Variants in SPPL3 observed in about 807,000 individuals in gnomAD.
SPPL3 encodes the protein signal peptide peptidase like 3.
In SPPL3, 5 loss-of-function variants were observed where a neutral mutation model predicts 42.4. The ratio of observed to expected loss-of-function variants is 0.12; its 90% CI spans 0.06 to 0.25. The LOEUF is 0.25. Ranked by LOEUF, SPPL3 falls within the 10% of genes least tolerant of loss-of-function variation. The probability of loss-of-function intolerance (pLI) is 1.00; values close to 1 mark genes in which losing one functional copy is unlikely to be tolerated. For missense variants in SPPL3, 235 were observed against 489.0 expected, an observed-to-expected ratio of 0.48 and a Z score of 4.90; for synonymous variants, 195 against 181.8, an observed-to-expected ratio of 1.07 and a Z score of -0.58.
intron 1 of SPPL3, among the ~76,000 whole-genome samples, chr12:120,873,486 T>TCATAAC (rs1292045304): frequency 6.6e-6 from 1 of 151,756 alleles, no homozygotes; most frequent in African/African-American, 2.4e-5. Context: ...TAAAACCACA[T>TCATAAC]CAAGGCACAT....
At chr12:120,829,761 G>A (rs527740446) in intron 1 of SPPL3, among the ~76,000 whole-genome samples, 5 of 152,042 alleles carry the variant, frequency 3.3e-5, no homozygotes, top group Non-Finnish European at 7.4e-5. Context: ...TTGGGAGGCC[G>A]AGGTGGGCGG....
rs188635655 is a variant in SPPL3, at chr12:120,833,450, G to C, written c.24-22564C>G. Among the ~76,000 whole-genome samples the C allele has an allele frequency of 2.0e-5, 3 of 152,258 alleles. No homozygotes were observed. In the East Asian group the frequency reaches 5.8e-4, roughly 29 times the overall value. On this transcript the variant is annotated intron_variant, in intron 1 of 10. Coordinates refer to ENST00000353487, the MANE Select transcript of SPPL3 (RefSeq NM_139015.5). ...GAAACATTTTAACAAATAGGATGGA[G>C]AGCATTTGGGAATGACTTAGTATGA...
At chr12:120,828,621 CACTT>C in intron 1 of SPPL3, among the ~76,000 whole-genome samples, 1 of 152,286 alleles carries the variant, frequency 6.6e-6, no homozygotes, top group East Asian at 1.9e-4. Flanking sequence ...CTGATTTAAA[CACTT>C]ACTATAAAAC....
chr12:120,855,454 G>A (rs1347538772), intron 1 of SPPL3, among the ~76,000 whole-genome samples: 1 of 152,066 alleles, frequency 6.6e-6, no homozygotes, highest in Non-Finnish European at 1.5e-5. Flanking sequence ...TTGGGAGGCC[G>A]AGGCAGGCAG....
chr12:120,845,588 C>A, intron 1 of SPPL3: 1 of 473,266 alleles, frequency 2.1e-6, no homozygotes, highest in Non-Finnish European at 4.1e-6. Context: ...CCAGGCCCAC[C>A]ATGAGGATGC....
At chr12:120,876,624 A>AAAAAAAAAAAAAAAAG (rs1873100816) in intron 1 of SPPL3, among the ~76,000 whole-genome samples, 5 of 143,778 alleles carry the variant, frequency 3.5e-5, no homozygotes, top group African/African-American at 8.5e-5. Context: ...CTCAAAAAAA[A>AAAAAAAAAAAAAAAAG]AAAAAAAAAA....
chr12:120,812,642 G>T (rs1870722370), intron 1 of SPPL3, among the ~76,000 whole-genome samples: 1 of 152,188 alleles, frequency 6.6e-6, no homozygotes, highest in Admixed American at 6.5e-5. Context: ...TCAGGTAGAA[G>T]AAGGAACTGC....
At chr12:120,852,812 AATAT>A (rs1566060949) in intron 1 of SPPL3, among the ~76,000 whole-genome samples, 1 of 144,956 alleles carries the variant, frequency 6.9e-6, no homozygotes, top group African/African-American at 2.5e-5. Context: ...ACATATATGA[AATAT>A]ATATTTCATA....
intron 1 of SPPL3, among the ~76,000 whole-genome samples, chr12:120,895,791 T>C (rs1169007830): frequency 1.3e-5 from 2 of 152,208 alleles, no homozygotes; most frequent in Non-Finnish European, 2.9e-5. Context: ...ATAACTATTG[T>C]ACCAAATACA....
intron 1 of SPPL3, among the ~76,000 whole-genome samples, chr12:120,813,811 A>G (rs1375582310): frequency 6.6e-6 from 1 of 152,128 alleles, no homozygotes; most frequent in Non-Finnish European, 1.5e-5. Flanking sequence ...GGCTTTACCA[A>G]TCAGAAACTG....
chr12:120,865,565 T>C (rs764827830), intron 1 of SPPL3, among the ~76,000 whole-genome samples: 26 of 152,214 alleles, frequency 1.7e-4, no homozygotes, highest in Admixed American at 7.9e-4. Flanking sequence ...TCACAACCTG[T>C]TACCAATATT....
chr12:120,823,435 T>A (rs1354053544), intron 1 of SPPL3, among the ~76,000 whole-genome samples: 2 of 152,168 alleles, frequency 1.3e-5, no homozygotes, highest in African/African-American at 4.8e-5. Flanking sequence ...AACACTTCAG[T>A]CAATATCTTA....
chr12:120,817,282 G>A (rs116902441), intron 1 of SPPL3, among the ~76,000 whole-genome samples: 3,094 of 152,164 alleles, frequency 0.02, 59 homozygotes, highest in South Asian at 0.052. Flanking sequence ...GTGACAGAGC[G>A]AGACCCTGTC....
intron 1 of SPPL3, among the ~76,000 whole-genome samples, chr12:120,887,339 G>A (rs557322201): frequency 6.6e-6 from 1 of 152,078 alleles, no homozygotes; most frequent in East Asian, 1.9e-4. Context: ...CTTCTATTGG[G>A]CAGTGCAGCT....
intron 9 of SPPL3, 67 bp downstream of exon 9, chr12:120,767,327 G>T: frequency 6.5e-7 from 1 of 1,526,826 alleles, no homozygotes; most frequent in South Asian, 1.1e-5. Flanking sequence ...TAGAAGACCT[G>T]ATTTAATTCC....
Position 120,772,097 on chromosome 12 carries a change from C to T in SPPL3, c.503-3038G>A, listed in dbSNP as rs972772516. On this transcript the variant is annotated intron_variant, in intron 6 of 10. Coordinates refer to ENST00000353487, the MANE Select transcript of SPPL3 (RefSeq NM_139015.5). ...AGTACAATGGTGCAATCTCAGCTTA[C>T]TGCAGCTTCCACCTCCTGGGTTCAA... 2.4e-4 allele frequency among the ~76,000 whole-genome samples: 36 copies of T among 152,194 alleles called. 1 individual carries two copies. Among genetic ancestry groups the T allele is most frequent in the Non-Finnish European group, 5.9e-5 (4 of 68,036 alleles).
intron 1 of SPPL3, among the ~76,000 whole-genome samples, chr12:120,849,662 T>C (rs971102820): frequency 1.3e-5 from 2 of 152,234 alleles, no homozygotes; most frequent in African/African-American, 2.4e-5. Context: ...CTATCAGGCA[T>C]GCTAGTTAGC....
chr12:120,777,672 G>A (rs753686481), intron 6 of SPPL3, among the ~76,000 whole-genome samples: 3 of 152,190 alleles, frequency 2.0e-5, no homozygotes, highest in Middle Eastern at 3.2e-3. Context: ...AAGCACTGAA[G>A]TATCGTAACA....
chr12:120,817,872 A>G (rs1870932886), intron 1 of SPPL3, among the ~76,000 whole-genome samples: 1 of 152,208 alleles, frequency 6.6e-6, no homozygotes, highest in Admixed American at 6.5e-5. Context: ...AAAGAAAGCA[A>G]GCGTTCATCA....
Sources: gnomAD v4.1 joint callset for allele counts (sites outside exome capture counted in the v4.1 genomes callset) on GRCh38, gnomAD v4.1.1 for gene constraint, MANE v1.5 for transcripts, NCBI Gene and HGNC (gene_info 2026-07-23, HGNC 2026-07-21) for gene names.